The following ZBTB40 variants were observed in gnomAD, a reference collection of about 807,000 sequenced individuals.
ZBTB40 encodes zinc finger and BTB domain-containing protein 40.
Under a neutral mutation model 117.5 loss-of-function variants are expected in ZBTB40, and 60 were observed. The ratio of observed to expected loss-of-function variants is 0.51; its 90% CI spans 0.41 to 0.63. The LOEUF (loss-of-function observed/expected upper bound fraction) is 0.63. Ranked by LOEUF, ZBTB40 falls within the 30% of genes least tolerant of loss-of-function variation. ZBTB40 has a pLI of 0.00. For synonymous variants in ZBTB40, 525 were observed against 577.1 expected (o/e 0.91, Z 1.29); for missense variants, 1,287 against 1,498.5 (o/e 0.86, Z 2.33).
In ZBTB40 at chr1:22,490,609, A is replaced by C. The variant is rs770176121; in HGVS notation, c.661A>C (p.Thr221Pro). Residue 221 changes from threonine (T) to proline (P), a missense_variant, in exon 2 of 18, where the codon ACC becomes CCC. Physicochemically the swap from Thr to Pro is conservative, Grantham distance 38 (BLOSUM62 -1). Around this residue, in one of 2 missense-constraint regions of ZBTB40, gnomAD observed 870 missense variants for 934.4 expected, o/e 0.93. Coordinates refer to ENST00000375647, the MANE Select transcript of ZBTB40 (RefSeq NM_014870.4). ...TTGTTCCCCCTCCCCTGCTGTGCAAACCTTTAGTGAGGCAAAGAAGACAAG... is the reference window on the plus strand; with the variant it reads ...TTGTTCCCCCTCCCCTGCTGTGCAACCCTTTAGTGAGGCAAAGAAGACAAG... Reference protein sequence around the residue: ...EACSPSPAVQTFSEAKKTSTE... With the variant: ...EACSPSPAVQPFSEAKKTSTE... 7.4e-6 allele frequency: 12 copies of C among 1,613,866 alleles called. No individual in the cohort carries two copies. The highest frequency in any genetic ancestry group is 1.0e-5 in the Non-Finnish European group (12 of 1,180,010).
chr1:22,454,094 C>T (rs1569762882), intron 1 of ZBTB40, among the ~76,000 whole-genome samples: 1 of 152,176 alleles, frequency 6.6e-6, no homozygotes, highest in Admixed American at 6.5e-5. Context: ...GGACTACAGG[C>T]ATGTGCCACG....
chr1:22,431,725 A>G (rs1464000460), intron 1 of ZBTB40, among the ~76,000 whole-genome samples: 3 of 123,388 alleles, frequency 2.4e-5, no homozygotes, highest in Non-Finnish European at 3.7e-5. Flanking sequence ...GACAAGAGTG[A>G]AATGCCATCT....
intron 17 of ZBTB40, among the ~76,000 whole-genome samples, chr1:22,525,159 A>G (rs1381005693): frequency 1.3e-5 from 2 of 152,210 alleles, no homozygotes; most frequent in Non-Finnish European, 2.9e-5. Flanking sequence ...TCAGGTAGGC[A>G]GGACTCCCGC....
At chr1:22,464,939 T>C (rs1009881155) in intron 1 of ZBTB40, among the ~76,000 whole-genome samples, 1 of 152,184 alleles carries the variant, frequency 6.6e-6, no homozygotes, top group Non-Finnish European at 1.5e-5. Flanking sequence ...CAAACATCTG[T>C]GTAACTGTTA....
intron 1 of ZBTB40, among the ~76,000 whole-genome samples, chr1:22,432,655 C>T (rs1156283032): frequency 2.0e-5 from 3 of 152,136 alleles, no homozygotes; most frequent in Non-Finnish European, 4.4e-5. Context: ...ATTCAGATTC[C>T]CTGTTCAGAT....
chr1:22,445,897 A>G (rs1640783722), intron 1 of ZBTB40, among the ~76,000 whole-genome samples: 1 of 151,924 alleles, frequency 6.6e-6, no homozygotes. Context: ...CTACAACACA[A>G]CAACATATGA....
Position 22,521,655 on chromosome 1 carries a change from G to T in ZBTB40, c.3208G>T (p.Ala1070Ser). The change falls in exon 15 of 18, where the codon GCA becomes TCA. Residue 1070 changes from alanine to serine, a missense_variant. This residue lies in a region of ZBTB40 where 417 missense variants were observed against 564.1 expected (regional missense o/e 0.74). Transcript: ENST00000375647. ...EHKKHIKAEH[A>S]DMKFHECDQC... ...CAAGAAGCACATCAAAGCAGAACAT[G>T]CAGGTGGAGTTTGGGTACCGCCGGC... The T allele has an allele frequency of 6.2e-7, 1 of 1,614,252 alleles. No homozygotes were observed.
intron 1 of ZBTB40, among the ~76,000 whole-genome samples, chr1:22,457,353 C>G (rs1478412823): frequency 3.3e-5 from 5 of 151,946 alleles, no homozygotes; most frequent in African/African-American, 9.7e-5. Context: ...TTATTAGTAC[C>G]CAAAGGGAAA....
chr1:22,467,785 T>G (rs960450870), intron 1 of ZBTB40, among the ~76,000 whole-genome samples: 8 of 151,470 alleles, frequency 5.3e-5, no homozygotes, highest in Non-Finnish European at 1.2e-4. Flanking sequence ...TGTTTTTTTT[T>G]TTTTTTTTTT....
chr1:22,490,783 T>G, intron 2 of ZBTB40, 138 bp downstream of exon 2: 1 of 938,638 alleles, frequency 1.1e-6, no homozygotes, highest in South Asian at 1.5e-5. Flanking sequence ...TGGGCCATTC[T>G]TTTAAAAGTG....
At chr1:22,433,432 C>CAAAAAAAAA (rs767913519) in intron 1 of ZBTB40, among the ~76,000 whole-genome samples, 11 of 8,766 alleles carry the variant, frequency 1.3e-3, no homozygotes, top group East Asian at 9.8e-3. Context: ...GACGCCCTCT[C>CAAAAAAAAA]AAAAAAAAAA....
intron 3 of ZBTB40, among the ~76,000 whole-genome samples, chr1:22,497,618 T>C (rs1203553065): frequency 6.6e-6 from 1 of 152,208 alleles, no homozygotes; most frequent in Non-Finnish European, 1.5e-5. Flanking sequence ...TTTATATTCA[T>C]TGAGACCAAG....
chr1:22,511,886 G>A lies in ZBTB40; in HGVS notation c.2213G>A (p.Cys738Tyr). The A allele has an allele frequency of 6.2e-7, 1 of 1,614,230 alleles. No individual in the cohort carries two copies. The highest frequency in any genetic ancestry group is 8.5e-7 in the Non-Finnish European group (1 of 1,180,036). Residue 738 changes from cysteine to tyrosine, a missense_variant, in exon 11 of 18, where the codon TGT (cysteine) becomes TAT (tyrosine). Around this residue, in one of 2 missense-constraint regions of ZBTB40, gnomAD observed 870 missense variants for 934.4 expected, o/e 0.93. Coordinates refer to ENST00000375647, the MANE Select transcript of ZBTB40 (RefSeq NM_014870.4). Reference protein sequence around the residue: ...SPDPAKKSFICKACDKSFHFY... With the variant: ...SPDPAKKSFIYKACDKSFHFY... ...GACCCTGCCAAGAAGAGCTTCATCT[G>A]TAAGGCCTGCGACAAAAGCTTCCAT...
At chr1:22,518,319 C>T (rs1256501454) in intron 13 of ZBTB40, among the ~76,000 whole-genome samples, 2 of 152,114 alleles carry the variant, frequency 1.3e-5, no homozygotes, top group Non-Finnish European at 2.9e-5. Context: ...CTCTTATGCC[C>T]CTTCTGTAAA....
intron 12 of ZBTB40, among the ~76,000 whole-genome samples, chr1:22,515,907 A>G (rs1206984231): frequency 6.6e-6 from 1 of 152,240 alleles, no homozygotes. Context: ...ACAATGAGCT[A>G]TAGTAGGGCA....
At chr1:22,521,792 A>G in intron 15 of ZBTB40, 134 bp downstream of exon 15, 1 of 1,308,890 alleles carries the variant, frequency 7.6e-7, no homozygotes. Context: ...GCCCCAGCGC[A>G]CCTGTCCGTA....
chr1:22,429,485 C>T (rs1640548798), intron 1 of ZBTB40, among the ~76,000 whole-genome samples: 1 of 151,868 alleles, frequency 6.6e-6, no homozygotes, highest in African/African-American at 2.4e-5. Context: ...CACATTAGGT[C>T]CTTAATCCAG....
chr1:22,487,379 G>C (rs555662475), intron 1 of ZBTB40, among the ~76,000 whole-genome samples: 10 of 152,148 alleles, frequency 6.6e-5, no homozygotes, highest in African/African-American at 2.4e-4. Flanking sequence ...TTTTCTTAGC[G>C]TACTTTTTTC....
At chr1:22,446,930 C>G (rs1157897670), upstream of ZBTB40, among the ~76,000 whole-genome samples, 4 of 151,828 alleles carry the variant, frequency 2.6e-5, no homozygotes, top group Non-Finnish European at 5.9e-5. Flanking sequence ...TGGCAAAATC[C>G]CATCTCTACA....
Sources: allele counts gnomAD v4.1 joint callset (sites outside exome capture counted in the v4.1 genomes callset), GRCh38; gene constraint gnomAD v4.1.1; regional missense constraint gnomAD v4.1.1; transcripts MANE v1.5; gene names NCBI Gene and HGNC (gene_info 2026-07-23, HGNC 2026-07-21).